FGGY: variants seen among roughly 807,000 people sequenced by gnomAD.
The protein encoded by FGGY is FGGY carbohydrate kinase domain containing, also known as FGGY carbohydrate kinase domain-containing protein.
A neutral mutation model predicts 71.3 loss-of-function variants in FGGY; 72 were observed. That is an observed-to-expected ratio of 1.01 (90% CI 0.84 to 1.23). The LOEUF (loss-of-function observed/expected upper bound fraction) is 1.23. FGGY is among the 50% of genes most tolerant of loss of function. The pLI, the probability that FGGY is intolerant of heterozygous loss-of-function variation, is 0.00. For synonymous variants in FGGY, 251 were observed against 250.3 expected, an observed-to-expected ratio of 1.00 and a Z score of -0.02; for missense variants, 668 against 682.3, an observed-to-expected ratio of 0.98 and a Z score of 0.23.
intron 8 of FGGY, among the ~76,000 whole-genome samples, chr1:59,588,164 C>T (rs1055435222): frequency 2.6e-5 from 4 of 151,936 alleles, no homozygotes; most frequent in Admixed American, 6.6e-5. Context: ...CCTCAGGAGC[C>T]GATGTGATCA....
chr1:59,512,675 AT>A (rs144759346), intron 7 of FGGY, among the ~76,000 whole-genome samples: 2,385 of 152,334 alleles, frequency 0.016, 37 homozygotes, highest in Middle Eastern at 0.031. Flanking sequence ...ATAGAAAAAA[AT>A]GTATTTGAAT....
At chr1:59,738,849 G>A (rs1280278586) in intron 14 of FGGY, among the ~76,000 whole-genome samples, 1 of 152,172 alleles carries the variant, frequency 6.6e-6, no homozygotes, top group Admixed American at 6.5e-5. Context: ...TAGGCCCCAA[G>A]GTCACACCAC....
chr1:59,379,162 A>AACACACACACACACACACACACACAC lies in FGGY; in HGVS notation c.554+331_554+356dup, dbSNP rs55986439. Among the ~76,000 whole-genome samples the AACACACACACACACACACACACACAC allele has an allele frequency of 1.6e-3, 230 of 143,214 alleles. 3 individuals carry two copies. The highest frequency in any genetic ancestry group is 5.4e-3 in the South Asian group (24 of 4,448). The allele number at this position is 143,214 out of a possible 152,430, so 94.0% of individuals were successfully genotyped here. A position where few individuals can be genotyped will look rare whatever the true frequency, so the allele number is the denominator to read the frequency against. ...ACATGATGAATAAAAGGAAAAAATA[A>AACACACACACACACACACACACACAC]ACACACACACACACACACACACACA... On this transcript the variant is annotated intron_variant, in intron 5 of 15. Transcript: ENST00000303721.
intron 8 of FGGY, among the ~76,000 whole-genome samples, chr1:59,564,237 A>G (rs886484670): frequency 6.6e-6 from 1 of 152,230 alleles, no homozygotes; most frequent in East Asian, 1.9e-4. Context: ...AAAAGCTGTC[A>G]TCAGAGTGAA....
At chr1:59,576,254 A>T (rs2096073281) in intron 8 of FGGY, among the ~76,000 whole-genome samples, 1 of 152,226 alleles carries the variant, frequency 6.6e-6, no homozygotes, top group South Asian at 2.1e-4. Context: ...TTGCAGGGAC[A>T]TGGATGAATC....
At position 59,378,784 on chromosome 1, in the gene FGGY, T is replaced by C; in HGVS notation, c.501T>C (p.His167=). The C allele has an allele frequency of 1.2e-6, 2 of 1,613,582 alleles. No homozygotes were observed. The highest frequency in any genetic ancestry group is 1.1e-5 in the South Asian group (1 of 91,068). The change falls in exon 5 of 16, where the codon CAT becomes CAC. Residue 167 remains histidine (H), a synonymous_variant. Coordinates refer to ENST00000303721, the MANE Select transcript of FGGY (RefSeq NM_018291.5). ...AGATTTGCTGGGATAAGGCGGGACA[T>C]TTCTTTGATCTCCCGGACTTCTTAT... ...LREICWDKAG[H]FFDLPDFLSW... is the part of the protein sequence containing the mutation.
chr1:59,663,073 A>C (rs1208948739), intron 12 of FGGY, among the ~76,000 whole-genome samples: 1 of 152,210 alleles, frequency 6.6e-6, no homozygotes, highest in African/African-American at 2.4e-5. Flanking sequence ...GGGCACCATC[A>C]CATAGTGGTA....
At chr1:59,365,898 A>C (rs2056497901) in intron 4 of FGGY, among the ~76,000 whole-genome samples, 1 of 152,194 alleles carries the variant, frequency 6.6e-6, no homozygotes, top group African/African-American at 2.4e-5. Context: ...TGTGGCTTTG[A>C]GGAAACTGGG....
chr1:59,716,818 A>T (rs191998029), intron 14 of FGGY, among the ~76,000 whole-genome samples: 1 of 152,326 alleles, frequency 6.6e-6, no homozygotes, highest in East Asian at 1.9e-4. Context: ...AGATTCAGGC[A>T]TGATGGAAGC....
intron 5 of FGGY, among the ~76,000 whole-genome samples, chr1:59,452,479 T>C (rs999196736): frequency 1.2e-4 from 19 of 152,230 alleles, no homozygotes. Flanking sequence ...CTCATTGTTT[T>C]CATCATTAAA....
At chr1:59,379,438 A>T (rs1332424321) in intron 5 of FGGY, among the ~76,000 whole-genome samples, 1 of 152,150 alleles carries the variant, frequency 6.6e-6, no homozygotes, top group African/African-American at 2.4e-5. Context: ...CATAGAAAAG[A>T]TATCATAAAA....
chr1:59,570,572 T>G (rs2153733526), intron 8 of FGGY, among the ~76,000 whole-genome samples: 1 of 152,272 alleles, frequency 6.6e-6, no homozygotes, highest in Non-Finnish European at 1.5e-5. Context: ...GAATTCTTAT[T>G]TTCTCATGGA....
chr1:59,609,426 G>A (rs1057235682), intron 9 of FGGY, among the ~76,000 whole-genome samples: 4 of 152,320 alleles, frequency 2.6e-5, no homozygotes, highest in African/African-American at 9.6e-5. Flanking sequence ...CATGGCCAGA[G>A]GCAGGGAGAC....
intron 6 of FGGY, among the ~76,000 whole-genome samples, chr1:59,475,571 T>A (rs1192168883): frequency 6.6e-6 from 1 of 152,206 alleles, no homozygotes; most frequent in Non-Finnish European, 1.5e-5. Context: ...GTCTTTTCCA[T>A]CTCAGTAGAA....
chr1:59,485,003 G>A (rs1284316519), intron 6 of FGGY, among the ~76,000 whole-genome samples: 1 of 152,112 alleles, frequency 6.6e-6, no homozygotes, highest in African/African-American at 2.4e-5. Flanking sequence ...ACCCATAGGG[G>A]GGATGTGCTT....
chr1:59,619,853 G>T (rs938759390), intron 9 of FGGY, among the ~76,000 whole-genome samples: 1 of 152,086 alleles, frequency 6.6e-6, no homozygotes, highest in Non-Finnish European at 1.5e-5. Flanking sequence ...ACAGAAGTCA[G>T]AAAGAGGCTA....
At chr1:59,732,048 C>T (rs1158458178) in intron 14 of FGGY, among the ~76,000 whole-genome samples, 1 of 152,102 alleles carries the variant, frequency 6.6e-6, no homozygotes, top group Non-Finnish European at 1.5e-5. Flanking sequence ...AATACCAGTC[C>T]CGTCATCATC....
At chr1:59,514,222 A>G (rs553682746) in intron 7 of FGGY, among the ~76,000 whole-genome samples, 9 of 152,168 alleles carry the variant, frequency 5.9e-5, no homozygotes, top group Non-Finnish European at 1.3e-4. Flanking sequence ...TGCTTTTTAA[A>G]TTATCCCTGG....
intron 8 of FGGY, among the ~76,000 whole-genome samples, chr1:59,576,840 A>G (rs150879209): frequency 2.1e-4 from 32 of 152,184 alleles, no homozygotes; most frequent in African/African-American, 7.2e-4. Flanking sequence ...CTCTGTCACT[A>G]TACTGTGAAC....
Sources: gnomAD v4.1 joint callset for allele counts (sites outside exome capture counted in the v4.1 genomes callset) on GRCh38, gnomAD v4.1.1 for gene constraint, MANE v1.5 for transcripts, NCBI Gene and HGNC (gene_info 2026-07-23, HGNC 2026-07-21) for gene names.